Variants in PDGFD observed in about 807,000 individuals in gnomAD.
The protein encoded by PDGFD is platelet derived growth factor D, also known as platelet-derived growth factor D.
A neutral mutation model predicts 44.7 loss-of-function variants in PDGFD; 30 were observed. That is an observed-to-expected ratio of 0.67 (90% CI 0.50 to 0.91). The LOEUF (loss-of-function observed/expected upper bound fraction) is 0.91. Ranked by LOEUF, PDGFD falls within the 40% of genes least tolerant of loss-of-function variation. The probability of loss-of-function intolerance (pLI) is 0.00; values close to 1 mark genes in which losing one functional copy is unlikely to be tolerated. For synonymous variants in PDGFD, 173 were observed against 168.4 expected (o/e 1.03, Z -0.21); for missense variants, 445 against 457.8 (o/e 0.97, Z 0.25).
In PDGFD at chr11:104,113,961, G is replaced by T. The variant is rs116370366; in HGVS notation, c.124+49843C>A. ...ACTTTTAATTTGTTTTCTTATTTTT[G>T]AGTGTTAAGAGTTCTTTGCATATTT... On this transcript the variant is annotated intron_variant, in intron 1 of 6. Coordinates refer to ENST00000393158, the MANE Select transcript of PDGFD (RefSeq NM_025208.5). 9.9e-3 allele frequency among the ~76,000 whole-genome samples: 1,505 copies of T among 152,066 alleles called. 27 individuals carry two copies. The highest frequency in any genetic ancestry group is 0.034 in the African/African-American group (1,426 of 41,492).
At chr11:103,996,014 A>G (rs760729449) in intron 3 of PDGFD, 51 bp downstream of exon 3, 7 of 1,508,440 alleles carry the variant, frequency 4.6e-6, no homozygotes, top group Non-Finnish European at 6.3e-6. Flanking sequence ...TGATCTCTAC[A>G]CTTCATGAAA....
intron 1 of PDGFD, among the ~76,000 whole-genome samples, chr11:104,102,404 C>T (rs867152143): frequency 0.015 from 2,258 of 152,072 alleles, 60 homozygotes; most frequent in African/African-American, 0.051. Context: ...GTTAGAATGG[C>T]GATCATTAAA....
chr11:103,996,320 A>G, intron 2 of PDGFD, 75 bp from the exon 3 acceptor site: 3 of 1,237,090 alleles, frequency 2.4e-6, no homozygotes, highest in Non-Finnish European at 2.3e-6. Context: ...CTGAGAAATT[A>G]AAACTAGCAT....
Position 104,002,657 on chromosome 11 carries a change from C to T in PDGFD, c.125-2402G>A, listed in dbSNP as rs556823540. ...CTGATTTGAGCTATTAGTCAGTCAA[C>T]AATTATGTATTAAGCATAGATTAAC... On this transcript the variant is annotated intron_variant, in intron 1 of 6. Coordinates refer to ENST00000393158, the MANE Select transcript of PDGFD (RefSeq NM_025208.5). 2.2e-4 allele frequency among the ~76,000 whole-genome samples: 34 copies of T among 152,288 alleles called. No homozygotes were observed. In the South Asian group the frequency reaches 7.1e-3, roughly 32 times the overall value.
chr11:104,130,775 C>T (rs1163952753), intron 1 of PDGFD, among the ~76,000 whole-genome samples: 1 of 152,148 alleles, frequency 6.6e-6, no homozygotes, highest in Non-Finnish European at 1.5e-5. Context: ...CCTCCCCTCC[C>T]CTGGCTACAG....
chr11:104,121,239 C>T (rs991613116), intron 1 of PDGFD, among the ~76,000 whole-genome samples: 4 of 151,966 alleles, frequency 2.6e-5, no homozygotes, highest in Admixed American at 2.6e-4. Flanking sequence ...TCTTCAGACA[C>T]CTATAATGTC....
chr11:103,929,090 G>C (rs1231897463), intron 5 of PDGFD, among the ~76,000 whole-genome samples: 1 of 152,224 alleles, frequency 6.6e-6, no homozygotes, highest in African/African-American at 2.4e-5. Flanking sequence ...CTGAGTCTCT[G>C]CTTTCGTTCA....
At chr11:103,943,337 A>G in intron 5 of PDGFD, 115 bp downstream of exon 5, 1 of 1,039,684 alleles carries the variant, frequency 9.6e-7, no homozygotes, top group Non-Finnish European at 1.4e-6. Context: ...AAATCCAAAA[A>G]GCATCCAAAA....
Position 103,949,326 on chromosome 11 carries a change from G to A in PDGFD, c.511-1602C>T, listed in dbSNP as rs576582179. On this transcript the variant is annotated intron_variant, in intron 3 of 6. Coordinates refer to ENST00000393158, the MANE Select transcript of PDGFD (RefSeq NM_025208.5). ...CCTCGTTATTCTAATCTTAATCCTA[G>A]GGAAGATAGAAAAGAAGCAGGAAAT... Among the ~76,000 whole-genome samples the A allele has an allele frequency of 3.9e-5, 6 of 152,192 alleles. No homozygotes were observed. The South Asian group carries it at 8.3e-4, about 21-fold the overall frequency.
At chr11:104,025,541 A>C (rs530485186) in intron 1 of PDGFD, among the ~76,000 whole-genome samples, 19 of 152,272 alleles carry the variant, frequency 1.2e-4, no homozygotes, top group Admixed American at 8.5e-4. Flanking sequence ...TCTTTATTTG[A>C]GAGGTCATCC....
chr11:104,079,989 G>A (rs1861020505), intron 1 of PDGFD, among the ~76,000 whole-genome samples: 1 of 152,162 alleles, frequency 6.6e-6, no homozygotes, highest in Admixed American at 6.5e-5. Context: ...AAAAGATAAT[G>A]GTGCTGACGG....
intron 1 of PDGFD, among the ~76,000 whole-genome samples, chr11:104,110,074 T>C (rs1861530884): frequency 6.6e-6 from 1 of 152,146 alleles, no homozygotes; most frequent in Non-Finnish European, 1.5e-5. Context: ...AAATAAAGCA[T>C]TATGAACCAA....
chr11:103,995,919 C>G, intron 3 of PDGFD, 146 bp downstream of exon 3: 1 of 663,504 alleles, frequency 1.5e-6, no homozygotes, highest in Non-Finnish European at 2.4e-6. Context: ...AGGATTTTAA[C>G]ATTTTGACCA....
intron 1 of PDGFD, among the ~76,000 whole-genome samples, chr11:104,098,556 C>T (rs1198886129): frequency 6.7e-6 from 1 of 148,724 alleles, no homozygotes; most frequent in Non-Finnish European, 1.5e-5. Context: ...CCAGGCCATA[C>T]AGCAGTGCTG....
At chr11:104,050,430 C>G (rs575317478) in intron 1 of PDGFD, among the ~76,000 whole-genome samples, 10 of 152,188 alleles carry the variant, frequency 6.6e-5, no homozygotes, top group African/African-American at 1.7e-4. Flanking sequence ...AGGCCAGTCC[C>G]GAGGGCCCGC....
At chr11:103,956,570 T>C (rs1858853883) in intron 3 of PDGFD, among the ~76,000 whole-genome samples, 1 of 151,474 alleles carries the variant, frequency 6.6e-6, no homozygotes. Context: ...CCTTTGGGTA[T>C]ATATCCAGTA....
chr11:103,936,982 C>T (rs983413687), intron 5 of PDGFD, among the ~76,000 whole-genome samples: 2 of 151,780 alleles, frequency 1.3e-5, no homozygotes, highest in Non-Finnish European at 2.9e-5. Flanking sequence ...ATATGCTTCA[C>T]GCGTGGCTAA....
intron 1 of PDGFD, among the ~76,000 whole-genome samples, chr11:104,077,942 C>A (rs1195643983): frequency 1.3e-5 from 2 of 152,100 alleles, no homozygotes; most frequent in Non-Finnish European, 2.9e-5. Context: ...TGAGCTAGGG[C>A]GTGATCCATG....
chr11:104,058,032 T>C (rs879896134), intron 1 of PDGFD, among the ~76,000 whole-genome samples: 7 of 152,136 alleles, frequency 4.6e-5, no homozygotes, highest in East Asian at 1.9e-4. Context: ...AAACAGATCA[T>C]AGACCTAAAT....
Sources: allele counts gnomAD v4.1 joint callset (sites outside exome capture counted in the v4.1 genomes callset), GRCh38; gene constraint gnomAD v4.1.1; transcripts MANE v1.5; gene names NCBI Gene and HGNC (gene_info 2026-07-23, HGNC 2026-07-21).